The following AKAP6 variants were observed in gnomAD, a reference collection of about 807,000 sequenced individuals.
AKAP6 encodes A-kinase anchor protein 6.
Under a neutral mutation model 188.5 loss-of-function variants are expected in AKAP6, and 58 were observed. The observed-to-expected ratio is 0.31, with a 90% CI of 0.25 to 0.38. AKAP6 has a LOEUF of 0.38. Ranked by LOEUF, AKAP6 falls within the 10% of genes least tolerant of loss-of-function variation. The pLI, the probability that AKAP6 is intolerant of heterozygous loss-of-function variation, is 1.00. For synonymous variants in AKAP6, 989 were observed against 998.6 expected (o/e 0.99, Z 0.18); for missense variants, 2,710 against 2,740.0 (o/e 0.99, Z 0.24).
At chr14:32,793,078 G>A (rs1057434036) in intron 12 of AKAP6, among the ~76,000 whole-genome samples, 2 of 152,086 alleles carry the variant, frequency 1.3e-5, no homozygotes, top group African/African-American at 4.8e-5. Flanking sequence ...AAAACACACT[G>A]AAGTACACAG....
At chr14:32,561,596 G>A (rs547583679) in intron 4 of AKAP6, among the ~76,000 whole-genome samples, 1 of 152,148 alleles carries the variant, frequency 6.6e-6, no homozygotes, top group Non-Finnish European at 1.5e-5. Flanking sequence ...GATCCTAATG[G>A]TAAGTGAATG....
chr14:32,614,821 C>G (rs1886492457), intron 7 of AKAP6, among the ~76,000 whole-genome samples: 1 of 152,064 alleles, frequency 6.6e-6, no homozygotes, highest in African/African-American at 2.4e-5. Context: ...GCACTTCTGG[C>G]CAGTGAGATA....
intron 2 of AKAP6, among the ~76,000 whole-genome samples, chr14:32,437,633 G>T (rs549169039): frequency 6.6e-6 from 1 of 151,744 alleles, no homozygotes; most frequent in Non-Finnish European, 1.5e-5. Context: ...GTCTCACTCC[G>T]TCACCCAGAC....
rs183305733 is a variant in AKAP6 at position 32,538,236 on chromosome 14, A to C, written c.576+2431A>C. Among the ~76,000 whole-genome samples the C allele has an allele frequency of 3.2e-3, 495 of 152,332 alleles. 5 individuals carry two copies. The Middle Eastern group carries it at 0.034, about 10-fold the overall frequency. ...ATTTCTGCTAGCACAATGGAATTGT[A>C]AAAAGCAGGAAGATAATTAGGATAA... On this transcript the variant is annotated intron_variant, in intron 3 of 13. Coordinates refer to ENST00000280979, the MANE Select transcript of AKAP6 (RefSeq NM_004274.5).
intron 2 of AKAP6, among the ~76,000 whole-genome samples, chr14:32,477,956 G>T (rs1879155913): frequency 6.6e-6 from 1 of 152,150 alleles, no homozygotes; most frequent in Non-Finnish European, 1.5e-5. Context: ...TTAAAATGAT[G>T]CCTGGCCATA....
chr14:32,489,075 T>G (rs1288623437), intron 2 of AKAP6, among the ~76,000 whole-genome samples: 1 of 152,248 alleles, frequency 6.6e-6, no homozygotes, highest in Non-Finnish European at 1.5e-5. Context: ...ATTAGGATGA[T>G]GTTACATTTA....
chr14:32,577,047 T>C (rs1345010761), intron 4 of AKAP6, 73 bp from the exon 5 acceptor site: 1 of 1,525,900 alleles, frequency 6.6e-7, no homozygotes, highest in Non-Finnish European at 8.8e-7. Flanking sequence ...CTTTTAATAT[T>C]GGCTTTTTAC....
intron 7 of AKAP6, among the ~76,000 whole-genome samples, chr14:32,676,368 A>G (rs906694870): frequency 3.9e-5 from 6 of 152,094 alleles, no homozygotes; most frequent in Non-Finnish European, 5.9e-5. Context: ...ATCAGTAGTT[A>G]TTATTCTTTC....
chr14:32,718,565 A>G (rs1178489601), intron 9 of AKAP6, among the ~76,000 whole-genome samples: 1 of 152,166 alleles, frequency 6.6e-6, no homozygotes, highest in Non-Finnish European at 1.5e-5. Context: ...AAAATATTCA[A>G]AGAACTACTG....
intron 1 of AKAP6, among the ~76,000 whole-genome samples, chr14:32,422,610 G>C (rs1889888209): frequency 6.6e-6 from 1 of 152,140 alleles, no homozygotes; most frequent in South Asian, 2.1e-4. Context: ...ATGATTGATT[G>C]AATCACCACC....
At chr14:32,387,901 G>A (rs1335364131) in intron 1 of AKAP6, among the ~76,000 whole-genome samples, 1 of 151,524 alleles carries the variant, frequency 6.6e-6, no homozygotes, top group African/African-American at 2.4e-5. Flanking sequence ...TCTATCTTGT[G>A]GAATAGTGTC....
chr14:32,687,145 G>A (rs1038974160), intron 8 of AKAP6, among the ~76,000 whole-genome samples: 1 of 152,156 alleles, frequency 6.6e-6, no homozygotes, highest in African/African-American at 2.4e-5. Flanking sequence ...CTATATGTGT[G>A]TGAAAGTATA....
rs55702209 is a variant in AKAP6 at position 32,404,691 on chromosome 14, GATATATATAT to G, written c.-34-28758_-34-28749del. Among the ~76,000 whole-genome samples the G allele has an allele frequency of 2.3e-4, 10 of 44,436 alleles. 1 individual carries two copies. Among genetic ancestry groups the G allele is most frequent in the African/African-American group, 6.4e-4 (9 of 13,978 alleles). 29.2% of individuals were successfully genotyped at this position (44,436 alleles called of 152,430 possible). A position where few individuals can be genotyped will look rare whatever the true frequency, so the allele number is the denominator to read the frequency against. ...AGAGTGGGGTTATGAGGAGTCAGGA[GATATATATAT>G]ATATATATATTAGTCAGAATGTCAG... On this transcript the variant is annotated intron_variant, in intron 1 of 13. Coordinates refer to ENST00000280979, the MANE Select transcript of AKAP6 (RefSeq NM_004274.5).
intron 2 of AKAP6, among the ~76,000 whole-genome samples, chr14:32,492,355 T>TAGAGAGAGAGAGAG (rs1555333490): frequency 3.6e-5 from 3 of 82,608 alleles, no homozygotes; most frequent in East Asian, 6.5e-4. Flanking sequence ...TATATATATA[T>TAGAGAGAGAGAGAG]AGAGAGAGAG....
chr14:32,650,227 T>G (rs78322752), intron 7 of AKAP6, among the ~76,000 whole-genome samples: 45,022 of 151,730 alleles, frequency 0.3, 8,532 homozygotes, highest in East Asian at 0.84. Flanking sequence ...TGCTTCCCCC[T>G]AATTCACCTT....
Position 32,824,648 on chromosome 14 carries a change from G to A in AKAP6, c.6835G>A (p.Asp2279Asn). Reference sequence around the variant, plus strand: ...TGCTTCAGCCAAATCTAAAGTTCAAGACCTCTCCTTGAAGGCAAATCAGCC... The same window carrying A: ...TGCTTCAGCCAAATCTAAAGTTCAAAACCTCTCCTTGAAGGCAAATCAGCC... ...NAASAKSKVQ[D>N]LSLKANQPTD... Residue 2279 changes from aspartate (D) to asparagine (N), a missense_variant, in exon 13 of 14, where the codon GAC becomes AAC. Asp to Asn is a conservative substitution (Grantham distance 23). Coordinates refer to ENST00000280979, the MANE Select transcript of AKAP6 (RefSeq NM_004274.5). 1.2e-6 allele frequency: 2 copies of A among 1,613,894 alleles called. No homozygotes were observed. Among genetic ancestry groups the A allele is most frequent in the East Asian group, 2.2e-5 (1 of 44,880 alleles).
chr14:32,368,714 C>T lies in AKAP6; in HGVS notation c.-35+39306C>T, dbSNP rs184976103. Reference sequence around the variant, plus strand: ...TTGGATAGGTAGGCAGTGCCCAAACCGTGGACCCCTTACAAGCTAATAATT... The same window carrying T: ...TTGGATAGGTAGGCAGTGCCCAAACTGTGGACCCCTTACAAGCTAATAATT... On this transcript the variant is annotated intron_variant, in intron 1 of 13. Coordinates refer to ENST00000280979, the MANE Select transcript of AKAP6 (RefSeq NM_004274.5). Among the ~76,000 whole-genome samples the T allele has an allele frequency of 9.3e-4, 142 of 152,136 alleles. 1 individual carries two copies. Among genetic ancestry groups the T allele is most frequent in the Admixed American group, 2.5e-3 (38 of 15,270 alleles).
intron 1 of AKAP6, 85 bp from the exon 2 acceptor site, chr14:32,433,375 A>C (rs1890279712): frequency 2.2e-6 from 2 of 929,072 alleles, no homozygotes; most frequent in Admixed American, 2.9e-5. Context: ...CTTAATTTAG[A>C]AATCCTGTTT....
At chr14:32,660,924 A>ACCCCCCCCCCCCCCCCCCC (rs1240351554) in intron 7 of AKAP6, among the ~76,000 whole-genome samples, 3 of 41,068 alleles carry the variant, frequency 7.3e-5, no homozygotes, top group African/African-American at 1.1e-4. Flanking sequence ...CTTCCCCGCC[A>ACCCCCCCCCCCCCCCCCCC]CCCCCCCCCC....
Sources: allele counts gnomAD v4.1 joint callset (sites outside exome capture counted in the v4.1 genomes callset), GRCh38; gene constraint gnomAD v4.1.1; transcripts MANE v1.5; gene names NCBI Gene and HGNC (gene_info 2026-07-23, HGNC 2026-07-21).